The following EPB41L1 variants were observed in gnomAD, a reference collection of about 807,000 sequenced individuals.
EPB41L1 encodes erythrocyte membrane protein band 4.1 like 1.
EPB41L1 carries 29 observed loss-of-function variants against 97.8 expected under a neutral mutation model. The observed-to-expected ratio is 0.30, with a 90% CI of 0.22 to 0.40. EPB41L1 has a LOEUF of 0.40. Ranked by LOEUF, EPB41L1 falls within the 10% of genes least tolerant of loss-of-function variation. The pLI is 1.00. For missense variants in EPB41L1, 812 were observed against 1,162.3 expected (o/e 0.70, Z 4.38); for synonymous variants, 383 against 459.2 (o/e 0.83, Z 2.12).
Position 36,190,518 on chromosome 20 carries a change from T to C in EPB41L1, c.1125-104T>C. On this transcript the variant is annotated intron_variant, in intron 10 of 21. Transcript: ENST00000338074. The surrounding 1 kb of genome is among the most constrained non-coding windows in gnomAD (Gnocchi z 5.8). ...TCCCTTCCTGGACCACTTTGAATTG[T>C]TGTAGTTGGTGGAGTAGTGGGATGA... is the stretch of plus-strand genomic sequence containing the variant. 6.4e-7 allele frequency: 1 copy of C among 1,551,580 alleles called. No homozygotes were observed. The highest frequency in any genetic ancestry group is 8.8e-7 in the Non-Finnish European group (1 of 1,130,484).
At chr20:36,144,680 G>T (rs181813939) in intron 2 of EPB41L1, among the ~76,000 whole-genome samples, 20 of 152,308 alleles carry the variant, frequency 1.3e-4, no homozygotes, top group Admixed American at 8.5e-4. Flanking sequence ...AATATTATAT[G>T]ATGGAAAGGC....
At chr20:36,197,549 C>A in intron 13 of EPB41L1, 1 of 801,230 alleles carries the variant, frequency 1.2e-6, no homozygotes, top group Non-Finnish European at 1.5e-6. Flanking sequence ...CTCACCCAGA[C>A]CTGTGGGCTT....
At chr20:36,139,126 G>A (rs780443814) in intron 2 of EPB41L1, among the ~76,000 whole-genome samples, 1 of 152,164 alleles carries the variant, frequency 6.6e-6, no homozygotes, top group Non-Finnish European at 1.5e-5. Context: ...GGCCCAAGAG[G>A]GCCAGCTTCC....
rs6060822 is a variant in EPB41L1, at chr20:36,146,924, A to G, written c.-9-28627A>G. On this transcript the variant is annotated intron_variant, in intron 2 of 19. Transcript: ENST00000202028. ...CACTGTGGGAGGCCAAGGTGAGTAG[A>G]ACACTTGAGCTCAGGAGTTTGAGAC... 3.1e-3 allele frequency among the ~76,000 whole-genome samples: 470 copies of G among 152,250 alleles called. 7 individuals carry two copies. The highest frequency in any genetic ancestry group is 0.011 in the African/African-American group (443 of 41,536).
At chr20:36,121,109 A>T (rs888338251) in intron 2 of EPB41L1, among the ~76,000 whole-genome samples, 1 of 151,274 alleles carries the variant, frequency 6.6e-6, no homozygotes, top group Non-Finnish European at 1.5e-5. Flanking sequence ...TCAGAGAGCT[A>T]GATTTCCTTT....
intron 1 of EPB41L1, chr20:36,155,196 G>C (rs958111532): frequency 8.8e-6 from 4 of 456,380 alleles, no homozygotes; most frequent in African/African-American, 8.0e-5. Flanking sequence ...TTTTCGGAGA[G>C]CACTCCTGCT....
At chr20:36,198,388 C>T (rs1449713270) in intron 14 of EPB41L1, among the ~76,000 whole-genome samples, 1 of 152,222 alleles carries the variant, frequency 6.6e-6, no homozygotes, top group Non-Finnish European at 1.5e-5. Flanking sequence ...GGACTCAGTG[C>T]TGGCATCGGC....
intron 1 of EPB41L1, among the ~76,000 whole-genome samples, chr20:36,170,474 C>A (rs1600717662): frequency 1.3e-5 from 2 of 152,256 alleles, no homozygotes; most frequent in Non-Finnish European, 1.5e-5. Context: ...TTACTCAAAT[C>A]TTTTCCATGA....
At chr20:36,175,429 G>T in intron 2 of EPB41L1, 122 bp from the exon 3 acceptor site, 2 of 1,192,118 alleles carry the variant, frequency 1.7e-6, no homozygotes, top group East Asian at 2.4e-5. Flanking sequence ...GGTCTCAGAC[G>T]GTAGCGACTT....
intron 1 of EPB41L1, among the ~76,000 whole-genome samples, chr20:36,159,686 T>TC (rs1279963617): frequency 2.0e-5 from 3 of 152,254 alleles, no homozygotes; most frequent in Admixed American, 2.0e-4. Context: ...ACTCAAGTTG[T>TC]AAGACATAGT....
In EPB41L1 at chr20:36,205,973, G is replaced by GTCT. The variant is rs534461346; in HGVS notation, c.1669-3515_1669-3514insTCT. 3.9e-4 allele frequency: 507 copies of GTCT among 1,289,904 alleles called. 1 individual carries two copies. The South Asian group carries it at 5.7e-3, about 15-fold the overall frequency. The allele number at this position is 1,289,904 out of a possible 1,614,324, so 79.9% of individuals were successfully genotyped here. A position where few individuals can be genotyped will look rare whatever the true frequency, so the allele number is the denominator to read the frequency against. ...GGCCTTGCTGGTATCCTTGCCAACG[G>GTCT]CAGACTCTCCAAGGTAGACGTTCTG... On this transcript the variant is annotated intron_variant, in intron 14 of 21. Coordinates refer to ENST00000338074, the MANE Select transcript of EPB41L1 (RefSeq NM_012156.2).
chr20:36,128,757 A>G lies in EPB41L1; in HGVS notation c.-10+16277A>G, dbSNP rs78769017. On this transcript the variant is annotated intron_variant, in intron 2 of 19. Transcript: ENST00000202028. ...GGTTGAGGGTCAGAGAGGACTTCTT[A>G]GTTGGCCTTCAGAGCCTGGTTTAGT... Among the ~76,000 whole-genome samples the G allele has an allele frequency of 7.5e-3, 1,148 of 152,244 alleles. 16 individuals are homozygous for G. Among genetic ancestry groups the G allele is most frequent in the African/African-American group, 0.026 (1,098 of 41,528 alleles).
intron 15 of EPB41L1, among the ~76,000 whole-genome samples, chr20:36,210,358 T>G (rs2063063689): frequency 6.6e-6 from 1 of 151,382 alleles, no homozygotes. Context: ...GGTCTCAGGG[T>G]GGTAATGGAA....
At chr20:36,161,491 T>C (rs2060521171) in intron 1 of EPB41L1, among the ~76,000 whole-genome samples, 1 of 152,208 alleles carries the variant, frequency 6.6e-6, no homozygotes, top group Admixed American at 6.5e-5. Flanking sequence ...TTGTTTTGTT[T>C]TTGAGATGGA....
chr20:36,197,721 TGA>T (rs2062278406), intron 13 of EPB41L1, 136 bp from the exon 14 acceptor site: 2 of 1,558,374 alleles, frequency 1.3e-6, no homozygotes, highest in Non-Finnish European at 1.7e-6. Flanking sequence ...GGGGCTGCCA[TGA>T]GAGTGACACA....
chr20:36,105,598 C>T (rs917274563), intron 1 of EPB41L1, among the ~76,000 whole-genome samples: 2 of 152,150 alleles, frequency 1.3e-5, no homozygotes, highest in Non-Finnish European at 2.9e-5. Context: ...CGCTTCTTGG[C>T]ACAGAGGGCT....
At chr20:36,137,535 A>G (rs904727412) in intron 2 of EPB41L1, among the ~76,000 whole-genome samples, 25 of 149,750 alleles carry the variant, frequency 1.7e-4, no homozygotes, top group Admixed American at 1.7e-3. Flanking sequence ...TACTTTTTTT[A>G]TGTTTTGAGA....
intron 5 of EPB41L1, among the ~76,000 whole-genome samples, chr20:36,180,134 C>T (rs898759360): frequency 3.9e-5 from 6 of 152,200 alleles, no homozygotes; most frequent in Admixed American, 1.3e-4. Context: ...CCCAAGTCAT[C>T]GAGTAAGTCT....
At chr20:36,113,454 G>GTA (rs2058483032) in intron 2 of EPB41L1, among the ~76,000 whole-genome samples, 3 of 144,598 alleles carry the variant, frequency 2.1e-5, no homozygotes, top group Non-Finnish European at 4.6e-5. Flanking sequence ...GTGTGTGTGT[G>GTA]TACACATGTG....
Sources: allele counts gnomAD v4.1 joint callset (sites outside exome capture counted in the v4.1 genomes callset), GRCh38; gene constraint gnomAD v4.1.1; non-coding constraint Gnocchi (gnomAD v3.1); transcripts MANE v1.5; gene names NCBI Gene and HGNC (gene_info 2026-07-23, HGNC 2026-07-21).